The following PPP2R5E variants were observed in gnomAD, a reference collection of about 807,000 sequenced individuals.
The protein encoded by PPP2R5E is protein phosphatase 2 regulatory subunit B'epsilon.
In PPP2R5E, 4 loss-of-function variants were observed where a neutral mutation model predicts 65.3. The observed-to-expected ratio is 0.06, with a 90% CI of 0.03 to 0.14. PPP2R5E has a LOEUF of 0.14. Among genes scored for constraint, PPP2R5E ranks in the 10% least tolerant of loss-of-function variants. The pLI is 1.00. For missense variants in PPP2R5E, 274 were observed against 556.1 expected, an observed-to-expected ratio of 0.49 and a Z score of 5.10; for synonymous variants, 183 against 187.4, an observed-to-expected ratio of 0.98 and a Z score of 0.19.
chr14:63,488,832 G>C (rs1027938583), intron 2 of PPP2R5E, among the ~76,000 whole-genome samples: 2 of 151,812 alleles, frequency 1.3e-5, no homozygotes, highest in African/African-American at 4.8e-5. Context: ...CTGGGCGACA[G>C]AGCAAGACTC....
At chr14:63,416,267 C>T (rs1886676223) in intron 4 of PPP2R5E, among the ~76,000 whole-genome samples, 1 of 152,174 alleles carries the variant, frequency 6.6e-6, no homozygotes. Context: ...CAAGCCTGGG[C>T]AAGAGAACAA....
chr14:63,440,372 A>G (rs1030161978), intron 3 of PPP2R5E, among the ~76,000 whole-genome samples: 2 of 151,926 alleles, frequency 1.3e-5, no homozygotes, highest in Admixed American at 6.6e-5. Context: ...ATAGGGCAGC[A>G]GAAGTGGTAG....
intron 4 of PPP2R5E, among the ~76,000 whole-genome samples, chr14:63,417,417 C>T (rs74784064): frequency 2.4e-3 from 358 of 151,462 alleles, no homozygotes; most frequent in African/African-American, 8.0e-3. Context: ...AAAATATCCG[C>T]CAAATACCCA....
At chr14:63,488,617 G>C (rs747425767) in intron 2 of PPP2R5E, among the ~76,000 whole-genome samples, 1 of 152,098 alleles carries the variant, frequency 6.6e-6, no homozygotes, top group Non-Finnish European at 1.5e-5. Flanking sequence ...GGGAGGCTGA[G>C]TTGGGCAGAT....
chr14:63,510,592 A>G (rs1250795790), intron 2 of PPP2R5E, among the ~76,000 whole-genome samples: 3 of 152,252 alleles, frequency 2.0e-5, no homozygotes, highest in Non-Finnish European at 4.4e-5. Context: ...GAAAGGAGAC[A>G]CGCTGAGTAT....
At chr14:63,494,961 T>C (rs1386157745) in intron 2 of PPP2R5E, among the ~76,000 whole-genome samples, 1 of 151,956 alleles carries the variant, frequency 6.6e-6, no homozygotes. Flanking sequence ...CCCAGCATTT[T>C]GGAAGGCTGA....
chr14:63,440,948 C>CAAAAAAAAAAA lies in PPP2R5E; in HGVS notation c.354+12730_354+12740dup, dbSNP rs374563795. 5.7e-3 allele frequency among the ~76,000 whole-genome samples: 385 copies of CAAAAAAAAAAA among 67,490 alleles called. 5 individuals carry two copies. Among genetic ancestry groups the CAAAAAAAAAAA allele is most frequent in the African/African-American group, 6.9e-3 (131 of 18,868 alleles). 44.3% of individuals were successfully genotyped at this position (67,490 alleles called of 152,430 possible). A position where few individuals can be genotyped will look rare whatever the true frequency, so the allele number is the denominator to read the frequency against. Reference sequence around the variant, plus strand: ...TGGGCAACAGAGCGAGACTCCATCTCAAAAAAAAAAAAAAAAAAAGAGTAT... The same window carrying CAAAAAAAAAAA: ...TGGGCAACAGAGCGAGACTCCATCTCAAAAAAAAAAAAAAAAAAAAAAAAAAAAAAGAGTAT... On this transcript the variant is annotated intron_variant, in intron 3 of 13. Coordinates refer to ENST00000337537, the MANE Select transcript of PPP2R5E (RefSeq NM_006246.5).
In PPP2R5E at chr14:63,437,806, C is replaced by CA. The variant is rs545511297; in HGVS notation, c.355-15713dup. 1.4e-4 allele frequency among the ~76,000 whole-genome samples: 21 copies of CA among 152,120 alleles called. No homozygotes were observed. In the South Asian group the frequency reaches 4.2e-3, roughly 30 times the overall value. On this transcript the variant is annotated intron_variant, in intron 3 of 13. Transcript: ENST00000337537. ...AATAGAACTTCCTTGTCCATTTTGTCAAAAAAATACACTTGCTCTCCAACT... is the reference window on the plus strand; with the variant it reads ...AATAGAACTTCCTTGTCCATTTTGTCAAAAAAAATACACTTGCTCTCCAACT...
intron 11 of PPP2R5E, among the ~76,000 whole-genome samples, chr14:63,386,347 T>G (rs1416066061): frequency 6.6e-6 from 1 of 152,148 alleles, no homozygotes; most frequent in Non-Finnish European, 1.5e-5. Context: ...TACCATTACT[T>G]TTCTATTTTG....
At chr14:63,472,985 G>C (rs1890205743) in intron 2 of PPP2R5E, among the ~76,000 whole-genome samples, 1 of 152,230 alleles carries the variant, frequency 6.6e-6, no homozygotes, top group Non-Finnish European at 1.5e-5. Context: ...GAAGAGTTAT[G>C]AGGGCTTATA....
intron 13 of PPP2R5E, among the ~76,000 whole-genome samples, chr14:63,379,838 T>C (rs201969721): frequency 7.6e-6 from 1 of 131,778 alleles, no homozygotes; most frequent in African/African-American, 2.8e-5. Flanking sequence ...TTTTTTTTTT[T>C]TTTTTTTTTT....
chr14:63,459,300 C>T (rs140190988), intron 2 of PPP2R5E, among the ~76,000 whole-genome samples: 1,956 of 152,256 alleles, frequency 0.013, 36 homozygotes, highest in African/African-American at 0.04. Context: ...TTTACCTCTA[C>T]CTTTTCATAG....
intron 5 of PPP2R5E, among the ~76,000 whole-genome samples, chr14:63,398,601 C>A (rs1885546669): frequency 6.6e-6 from 1 of 152,128 alleles, no homozygotes; most frequent in African/African-American, 2.4e-5. Flanking sequence ...ATCAGCCTGG[C>A]CAACATGGTG....
At chr14:63,511,340 T>C (rs1156241660) in intron 2 of PPP2R5E, among the ~76,000 whole-genome samples, 1 of 152,174 alleles carries the variant, frequency 6.6e-6, no homozygotes, top group Non-Finnish European at 1.5e-5. Context: ...GCTAACCTGC[T>C]GGATGATGAG....
intron 5 of PPP2R5E, among the ~76,000 whole-genome samples, chr14:63,399,996 C>CA (rs5809199): frequency 0.036 from 5,438 of 151,860 alleles, 258 homozygotes; most frequent in African/African-American, 0.11. Flanking sequence ...AGTTATGGAC[C>CA]AAAAAAAGGC....
intron 2 of PPP2R5E, among the ~76,000 whole-genome samples, chr14:63,535,009 T>C (rs1893610134): frequency 6.6e-6 from 1 of 152,330 alleles, no homozygotes; most frequent in Admixed American, 6.5e-5. Flanking sequence ...AAGTTCATCC[T>C]ATAATTTCCT....
chr14:63,501,877 AT>A (rs1891906888), intron 2 of PPP2R5E, among the ~76,000 whole-genome samples: 1 of 152,166 alleles, frequency 6.6e-6, no homozygotes, highest in South Asian at 2.1e-4. Flanking sequence ...TTATTTCCAA[AT>A]AAAAATTAGA....
intron 2 of PPP2R5E, among the ~76,000 whole-genome samples, chr14:63,480,317 G>A (rs1594922599): frequency 1.3e-5 from 2 of 152,262 alleles, no homozygotes; most frequent in South Asian, 2.1e-4. Flanking sequence ...AATTAGCCAG[G>A]TGTGTTGGTG....
intron 2 of PPP2R5E, among the ~76,000 whole-genome samples, chr14:63,536,288 A>G (rs1471713355): frequency 6.6e-6 from 1 of 152,244 alleles, no homozygotes; most frequent in Non-Finnish European, 1.5e-5. Flanking sequence ...GATGCTCAAC[A>G]TCACTAATCA....
Sources: gnomAD v4.1 joint callset for allele counts (sites outside exome capture counted in the v4.1 genomes callset) on GRCh38, gnomAD v4.1.1 for gene constraint, MANE v1.5 for transcripts, NCBI Gene and HGNC (gene_info 2026-07-23, HGNC 2026-07-21) for gene names.